Variants in NUP188 observed in about 807,000 individuals in gnomAD.
The protein encoded by NUP188 is nucleoporin NUP188.
Under a neutral mutation model 223.0 loss-of-function variants are expected in NUP188, and 97 were observed. The observed-to-expected ratio is 0.43, with a 90% CI of 0.37 to 0.51. NUP188 has a LOEUF of 0.51. Among genes scored for constraint, NUP188 ranks in the 20% least tolerant of loss-of-function variants. NUP188 has a pLI of 0.00. For missense variants in NUP188, 1,947 were observed against 2,175.6 expected (o/e 0.89, Z 2.09); for synonymous variants, 869 against 828.0 (o/e 1.05, Z -0.85).
chr9:128,967,088 G>C (rs1842040292), intron 8 of NUP188, among the ~76,000 whole-genome samples: 1 of 152,148 alleles, frequency 6.6e-6, no homozygotes, highest in Non-Finnish European at 1.5e-5. Flanking sequence ...GCCTACTGCA[G>C]CCTCAACCTC....
chr9:129,002,978 G>A lies in NUP188; in HGVS notation c.4296+3G>A. On this transcript the variant is annotated splice_donor_region_variant and intron_variant, in intron 37 of 43. Coordinates refer to ENST00000372577, the MANE Select transcript of NUP188 (RefSeq NM_015354.3). ...TCCACCAGGAGCGGACCTTACAGGT[G>A]AGGGGCTGCCTGCATTGCAGGGGTG... 6.2e-7 allele frequency: 1 copy of A among 1,613,844 alleles called. No homozygotes were observed. Among genetic ancestry groups the A allele is most frequent in the Non-Finnish European group, 8.5e-7 (1 of 1,179,896 alleles).
chr9:128,968,582 A>G lies in NUP188; in HGVS notation c.662A>G (p.Tyr221Cys). ...ATGCTGCTAGAAATTATTTTCCTTTATTATGCATACTTTGAGATGGCACCC... is the reference window on the plus strand; with the variant it reads ...ATGCTGCTAGAAATTATTTTCCTTTGTTATGCATACTTTGAGATGGCACCC... The part of the protein sequence containing the change: ...QSMLLEIIFL[Y>C]YAYFEMAPSD... The change falls in exon 9 of 44, where the codon TAT (tyrosine) becomes TGT (cysteine). Residue 221 changes from tyrosine to cysteine, a missense_variant. By Grantham distance (194) the Tyr-to-Cys change is radical. Transcript: ENST00000372577. 2 of 1,614,062 alleles carry G rather than the reference A, an allele frequency of 1.2e-6. No individual in the cohort carries two copies. Among genetic ancestry groups the G allele is most frequent in the Non-Finnish European group, 1.7e-6 (2 of 1,179,966 alleles).
intron 38 of NUP188, among the ~76,000 whole-genome samples, chr9:129,004,311 A>C (rs1437668638): frequency 6.6e-6 from 1 of 151,664 alleles, no homozygotes; most frequent in Non-Finnish European, 1.5e-5. Context: ...TAAACTAAAC[A>C]AAACCAAAAA....
At chr9:129,005,931 G>C in intron 41 of NUP188, 119 bp from the exon 42 acceptor site, 1 of 1,417,566 alleles carries the variant, frequency 7.1e-7, no homozygotes, top group Non-Finnish European at 9.8e-7. Context: ...GAGAATTACT[G>C]TGAGGATTAA....
At chr9:128,970,991 AG>A in intron 11 of NUP188, 33 bp downstream of exon 11, 1 of 1,524,176 alleles carries the variant, frequency 6.6e-7, no homozygotes. Context: ...TGAGCATGGG[AG>A]TGAGCCGGCA....
At position 129,001,950 on chromosome 9, in the gene NUP188, C is replaced by G; in HGVS notation, c.4111C>G (p.Gln1371Glu). 3 of 1,614,150 alleles carry G rather than the reference C, an allele frequency of 1.9e-6. No individual in the cohort carries two copies. Among genetic ancestry groups the G allele is most frequent in the Non-Finnish European group, 2.5e-6 (3 of 1,180,008 alleles). ...SICLPLLSVY[Q>E]LSTNGTAQTP... ...TTGTTTGCCCCTTCTGAGTGTGTAC[C>G]AGCTGAGCACCAACGGCACAGCACA... Residue 1371 changes from glutamine (Q) to glutamate (E), a missense_variant, in exon 36 of 44, where the codon CAG becomes GAG. By Grantham distance (29) the Gln-to-Glu change is conservative. Coordinates refer to ENST00000372577, the MANE Select transcript of NUP188 (RefSeq NM_015354.3).
intron 8 of NUP188, among the ~76,000 whole-genome samples, chr9:128,966,633 A>C (rs1165490604): frequency 6.6e-6 from 1 of 152,168 alleles, no homozygotes. Context: ...GTACTATAGC[A>C]GACGAAACAT....
intron 1 of NUP188, 46 bp from the exon 2 acceptor site, chr9:128,949,143 G>T: frequency 1.4e-6 from 2 of 1,436,920 alleles, no homozygotes; most frequent in African/African-American, 1.4e-5. Flanking sequence ...GTACAAGTTT[G>T]TATGATCAGA....
Position 128,986,869 on chromosome 9 carries a change from A to G in NUP188, c.2258A>G (p.His753Arg). The G allele has an allele frequency of 6.2e-7, 1 of 1,613,444 alleles. No homozygotes were observed. The highest frequency in any genetic ancestry group is 8.5e-7 in the Non-Finnish European group (1 of 1,179,448). ...AACCTGTGCCACGAGACAGACCTGC[A>G]CAGCAGGTAATGAAGGGTTGATTAC... is the stretch of plus-strand genomic sequence containing the variant. ...ILNLCHETDL[H>R]SSHTPSLQFL... is the part of the protein sequence containing the mutation. Residue 753 changes from histidine to arginine, a missense_variant, in exon 22 of 44, where the codon CAC (histidine) becomes CGC (arginine). Physicochemically the swap from His to Arg is conservative, Grantham distance 29. Coordinates refer to ENST00000372577, the MANE Select transcript of NUP188 (RefSeq NM_015354.3).
intron 15 of NUP188, among the ~76,000 whole-genome samples, chr9:128,981,933 C>T (rs1030459598): frequency 6.6e-6 from 1 of 151,826 alleles, no homozygotes; most frequent in African/African-American, 2.4e-5. Flanking sequence ...TAAAATTAGT[C>T]GGGCGTGGTG....
At chr9:128,993,929 A>G (rs1038117221) in intron 27 of NUP188, among the ~76,000 whole-genome samples, 1 of 152,184 alleles carries the variant, frequency 6.6e-6, no homozygotes, top group African/African-American at 2.4e-5. Flanking sequence ...GCCTTTTGCT[A>G]ACTAGCTGCA....
intron 6 of NUP188, 104 bp downstream of exon 6, chr9:128,958,158 G>A: frequency 1.2e-6 from 1 of 827,964 alleles, no homozygotes; most frequent in Non-Finnish European, 2.0e-6. Context: ...TGTTGGGTAA[G>A]CATGGAGGTC....
At position 129,003,376 on chromosome 9, in the gene NUP188, C is replaced by G. The variant is rs138778113; in HGVS notation, c.4356C>G (p.Thr1452=). 1 of 1,613,450 alleles carries G rather than the reference C, an allele frequency of 6.2e-7. No homozygotes were observed. ...SLACLEEADH[T]VGFILQLSNF... The stretch of plus-strand genomic sequence containing the variant: ...CCTGCCTGGAGGAGGCGGACCACAC[C>G]GTGGGTTTTATTCTGCAGCTCTCTA... The change falls in exon 38 of 44, where the codon ACC becomes ACG. Residue 1452 remains threonine, a synonymous_variant. Coordinates refer to ENST00000372577, the MANE Select transcript of NUP188 (RefSeq NM_015354.3).
rs373527117 is a variant in NUP188, at chr9:129,002,911, T to C, written c.4232T>C (p.Leu1411Pro). The C allele has an allele frequency of 1.2e-6, 2 of 1,614,114 alleles. No homozygotes were observed. Among genetic ancestry groups the C allele is most frequent in the African/African-American group, 1.3e-5 (1 of 74,942 alleles). ...MSLMEQLLKT[L>P]RYNFLPEALD... is the part of the protein sequence containing the mutation. ...CTGATGGAGCAGCTGCTCAAAACTC[T>C]GCGCTACAACTTCCTGCCTGAGGCC... The change falls in exon 37 of 44, where the codon CTG (leucine) becomes CCG (proline). Residue 1411 changes from leucine to proline, a missense_variant. Physicochemically the swap from Leu to Pro is moderately conservative, Grantham distance 98. Coordinates refer to ENST00000372577, the MANE Select transcript of NUP188 (RefSeq NM_015354.3).
chr9:129,002,683 TG>T, intron 36 of NUP188, 133 bp from the exon 37 acceptor site: 1 of 892,352 alleles, frequency 1.1e-6, no homozygotes, highest in Non-Finnish European at 1.7e-6. Context: ...CTGGCCCTGG[TG>T]GCCAGACAGT....
In NUP188 at chr9:128,968,735, A is replaced by T. The variant is rs539317170; in HGVS notation, c.797+18A>T. 22 of 1,570,086 alleles carry T rather than the reference A, an allele frequency of 1.4e-5. No homozygotes were observed. In the East Asian group the frequency reaches 4.3e-4, roughly 30 times the overall value. Reference sequence around the variant, plus strand: ...CGGATTGGGTAAGTCAGTGAATTGAACATCATGGAACTTGCAGTGTTTAGA... The same window carrying T: ...CGGATTGGGTAAGTCAGTGAATTGATCATCATGGAACTTGCAGTGTTTAGA... On this transcript the variant is annotated intron_variant, in intron 9 of 43. Coordinates refer to ENST00000372577, the MANE Select transcript of NUP188 (RefSeq NM_015354.3).
chr9:129,001,850 C>G (rs1842675662), intron 35 of NUP188, 34 bp from the exon 36 acceptor site: 1 of 1,603,854 alleles, frequency 6.2e-7, no homozygotes, highest in East Asian at 2.2e-5. Context: ...CAGGGGCAGG[C>G]TCCATCTCAT....
At chr9:128,969,787 G>T (rs548509640) in intron 10 of NUP188, among the ~76,000 whole-genome samples, 2 of 152,146 alleles carry the variant, frequency 1.3e-5, no homozygotes, top group Non-Finnish European at 2.9e-5. Context: ...CCAAGTAGCT[G>T]GGATCACAGC....
In NUP188 at chr9:129,001,546, G is replaced by A. The variant is rs1842666743; in HGVS notation, c.3861G>A (p.Leu1287=). 6.2e-7 allele frequency: 1 copy of A among 1,613,722 alleles called. No individual in the cohort carries two copies. ...CTGGGCAGGTGTGTGTCCTGGGCCT[G>A]CACCTGGCCAAGGAGCTGTGTGAGG... The part of the protein sequence containing the change: ...DQRDGVCVLG[L]HLAKELCEVD... Residue 1287 remains leucine, a synonymous_variant, in exon 35 of 44, where the codon CTG becomes CTA. Coordinates refer to ENST00000372577, the MANE Select transcript of NUP188 (RefSeq NM_015354.3).
Sources: allele counts gnomAD v4.1 joint callset (sites outside exome capture counted in the v4.1 genomes callset), GRCh38; gene constraint gnomAD v4.1.1; transcripts MANE v1.5; gene names NCBI Gene and HGNC (gene_info 2026-07-23, HGNC 2026-07-21).